NCKAP5: variants seen among roughly 807,000 people sequenced by gnomAD.
NCKAP5 encodes NCK associated protein 5, also known as nck-associated protein 5.
A neutral mutation model predicts 167.0 loss-of-function variants in NCKAP5; 92 were observed. The ratio of observed to expected loss-of-function variants is 0.55; its 90% confidence interval spans 0.47 to 0.66. The LOEUF (loss-of-function observed/expected upper bound fraction) is 0.66. Ranked by LOEUF, NCKAP5 falls within the 30% of genes least tolerant of loss-of-function variation. The pLI is 0.00. For synonymous variants in NCKAP5, 891 were observed against 877.4 expected (o/e 1.02, Z -0.27); for missense variants, 2,378 against 2,315.0 (o/e 1.03, Z -0.56).
At position 132,736,371 on chromosome 2, in the gene NCKAP5, T is replaced by C. The variant is rs188943159; in HGVS notation, c.5129-4320A>G. ...TATTGTACTTCTGAAGCCAGTTTTT[T>C]TTCTCAGAGAATTTTAAGAACTCAC... is the stretch of plus-strand genomic sequence containing the variant. On this transcript the variant is annotated intron_variant, in intron 16 of 19. Transcript: ENST00000409261. Among the ~76,000 whole-genome samples, 57 of 152,344 alleles carry C rather than the reference T, an allele frequency of 3.7e-4. No individual in the cohort carries two copies. In the East Asian group the frequency reaches 9.3e-3, roughly 25 times the overall value.
chr2:133,386,911 C>T (rs1687013840), intron 3 of NCKAP5, among the ~76,000 whole-genome samples: 3 of 152,250 alleles, frequency 2.0e-5, no homozygotes, highest in African/African-American at 7.2e-5. Flanking sequence ...AGATCATCCT[C>T]CATCCCTTTA....
intron 16 of NCKAP5, among the ~76,000 whole-genome samples, chr2:132,766,373 T>A (rs1681496555): frequency 6.6e-6 from 1 of 151,468 alleles, no homozygotes; most frequent in South Asian, 2.1e-4. Flanking sequence ...GGCACTGCTC[T>A]ATTAGCTTGG....
intron 3 of NCKAP5, among the ~76,000 whole-genome samples, chr2:133,401,504 G>A (rs1688095949): frequency 1.3e-5 from 2 of 152,120 alleles, no homozygotes; most frequent in African/African-American, 4.8e-5. Context: ...AGAGTTTGAT[G>A]CTAACTCAAG....
chr2:132,821,995 C>T (rs1046868045), intron 11 of NCKAP5, among the ~76,000 whole-genome samples: 11 of 152,138 alleles, frequency 7.2e-5, no homozygotes, highest in Non-Finnish European at 1.2e-4. Context: ...CACCCATTAC[C>T]TGAAAAACCA....
the NCKAP5 span, among the ~76,000 whole-genome samples, chr2:133,596,754 C>T: frequency 7.2e-4 from 106 of 146,330 alleles, no homozygotes; most frequent in African/African-American, 2.7e-3. Flanking sequence ...AGCCATGGTA[C>T]CACCTGGAGC....
chr2:133,470,793 C>G (rs926726037), intron 3 of NCKAP5, among the ~76,000 whole-genome samples: 5 of 152,220 alleles, frequency 3.3e-5, no homozygotes, highest in African/African-American at 1.2e-4. Flanking sequence ...GTCCGTCACC[C>G]CTTTCTTTGA....
At position 132,949,003 on chromosome 2, in the gene NCKAP5, T is replaced by TGAAAAGAAAAGAAAAGAAAAGAAAA. The variant is rs11275092; in HGVS notation, c.579+14692_579+14716dup. On this transcript the variant is annotated intron_variant, in intron 8 of 19. Transcript: ENST00000409261. The stretch of plus-strand genomic sequence containing the variant: ...CAGAAGCAACAAAGATCCAGAGAAA[T>TGAAAAGAAAAGAAAAGAAAAGAAAA]GAAAAGAAAAGAAAAGAAAAGAAAA... Among the ~76,000 whole-genome samples the TGAAAAGAAAAGAAAAGAAAAGAAAA allele has an allele frequency of 3.6e-3, 463 of 130,252 alleles. 3 individuals are homozygous for TGAAAAGAAAAGAAAAGAAAAGAAAA. The highest frequency in any genetic ancestry group is 0.013 in the African/African-American group (452 of 34,456). The allele number at this position is 130,252 out of a possible 152,430, so 85.5% of individuals were successfully genotyped here. A position where few individuals can be genotyped will look rare whatever the true frequency, so the allele number is the denominator to read the frequency against.
intron 3 of NCKAP5, among the ~76,000 whole-genome samples, chr2:133,400,792 C>T (rs1207875619): frequency 6.6e-6 from 1 of 152,036 alleles, no homozygotes; most frequent in Non-Finnish European, 1.5e-5. Context: ...AAGTTTGTGG[C>T]CCATATAAAA....
At chr2:133,570,843 A>G (rs1392011021), upstream of NCKAP5, among the ~76,000 whole-genome samples, 1 of 152,246 alleles carries the variant, frequency 6.6e-6, no homozygotes, top group Non-Finnish European at 1.5e-5. Flanking sequence ...GCTCTAACCC[A>G]CAATGAGTCT....
intron 4 of NCKAP5, among the ~76,000 whole-genome samples, chr2:133,235,030 G>T (rs1037377798): frequency 2.7e-5 from 4 of 150,578 alleles, no homozygotes; most frequent in Admixed American, 2.6e-4. Flanking sequence ...CTCAATGCAC[G>T]TTAGGTCCTT....
intron 6 of NCKAP5, among the ~76,000 whole-genome samples, chr2:133,111,615 G>A (rs1241949570): frequency 6.6e-6 from 1 of 152,114 alleles, no homozygotes; most frequent in African/African-American, 2.4e-5. Flanking sequence ...CTCTCTCATA[G>A]CCCTCTGCCA....
chr2:133,181,629 T>G (rs1478237473), intron 5 of NCKAP5, among the ~76,000 whole-genome samples: 1 of 95,394 alleles, frequency 1.0e-5, no homozygotes, highest in Non-Finnish European at 2.2e-5. Flanking sequence ...AAAAAAAAAA[T>G]TAGCCAGGCA....
Position 133,501,704 on chromosome 2 carries a change from G to A in NCKAP5, c.69+15754C>T, listed in dbSNP as rs554623528. ...GCAGACAGAAATCCTGATTTGATTC[G>A]TTCTTCTGTTCGGATCTAACTAGTT... On this transcript the variant is annotated intron_variant, in intron 3 of 19. Coordinates refer to ENST00000409261, the MANE Select transcript of NCKAP5 (RefSeq NM_207363.3). Among the ~76,000 whole-genome samples the A allele has an allele frequency of 8.5e-5, 13 of 152,266 alleles. 1 individual carries two copies. In the South Asian group the frequency reaches 1.5e-3, roughly 17 times the overall value.
At chr2:133,203,698 C>A (rs7572178) in intron 5 of NCKAP5, among the ~76,000 whole-genome samples, 7,983 of 150,348 alleles carry the variant, frequency 0.053, 652 homozygotes, top group African/African-American at 0.18. Context: ...ATCTAAGTGT[C>A]GGCAGTCCTG....
At chr2:132,727,188 A>G (rs1326964533) in intron 18 of NCKAP5, among the ~76,000 whole-genome samples, 2 of 152,208 alleles carry the variant, frequency 1.3e-5, no homozygotes, top group East Asian at 1.9e-4. Flanking sequence ...TGAGGAGTGC[A>G]GGTCCCCTCT....
At chr2:133,270,017 G>A (rs1362967446) in intron 4 of NCKAP5, among the ~76,000 whole-genome samples, 1 of 152,184 alleles carries the variant, frequency 6.6e-6, no homozygotes, top group South Asian at 2.1e-4. Flanking sequence ...ACTATGGGTG[G>A]AGCAAATTTT....
At chr2:132,975,204 CAT>C (rs1484472872) in intron 7 of NCKAP5, among the ~76,000 whole-genome samples, 1 of 152,224 alleles carries the variant, frequency 6.6e-6, no homozygotes, top group Non-Finnish European at 1.5e-5. Context: ...TCAGGCAAAA[CAT>C]ATAAAACTCT....
chr2:133,031,109 GA>G (rs200949323), intron 6 of NCKAP5, among the ~76,000 whole-genome samples: 14 of 147,674 alleles, frequency 9.5e-5, no homozygotes, highest in South Asian at 8.6e-4. Context: ...TTCATATACA[GA>G]AAAAAAAAAC....
chr2:133,035,433 T>C (rs1309346585), intron 6 of NCKAP5, among the ~76,000 whole-genome samples: 1 of 152,026 alleles, frequency 6.6e-6, no homozygotes, highest in Non-Finnish European at 1.5e-5. Flanking sequence ...TTACAGAATA[T>C]TTCATCCAAG....
Sources: allele counts gnomAD v4.1 joint callset (sites outside exome capture counted in the v4.1 genomes callset), GRCh38; gene constraint gnomAD v4.1.1; transcripts MANE v1.5; gene names NCBI Gene and HGNC (gene_info 2026-07-23, HGNC 2026-07-21).